Variants in AQP10 observed in about 807,000 individuals in gnomAD.
AQP10 encodes aquaporin 10, also known as aquaporin-10.
AQP10 carries 15 observed loss-of-function variants against 21.0 expected under a neutral mutation model. That is an observed-to-expected ratio of 0.71 (90% CI 0.48 to 1.10). The LOEUF is 1.10. Among genes scored for constraint, AQP10 ranks in the 50% least tolerant of loss-of-function variants. AQP10 has a pLI of 0.00. For synonymous variants in AQP10, 143 were observed against 155.7 expected, an observed-to-expected ratio of 0.92 and a Z score of 0.61; for missense variants, 268 against 379.5, an observed-to-expected ratio of 0.71 and a Z score of 2.44.
chr1:154,323,197 G>A lies in AQP10; in HGVS notation c.371-44G>A. On this transcript the variant is annotated intron_variant, in intron 3 of 5. Transcript: ENST00000324978. This position sits in a 1 kb window ranked among gnomAD's most constrained non-coding sequence, Gnocchi z 4.5. ...GGGGTGCCTCAGAATGGTTTTGGAT[G>A]AATGAGCAAAGAGGGAAATCCTGGG... The A allele has an allele frequency of 1.9e-6, 3 of 1,613,752 alleles. No homozygotes were observed. Among genetic ancestry groups the A allele is most frequent in the Non-Finnish European group, 2.5e-6 (3 of 1,179,674 alleles).
At chr1:154,324,228 G>C (rs566623705) in intron 5 of AQP10, 54 bp from the exon 6 acceptor site, 1 of 1,472,374 alleles carries the variant, frequency 6.8e-7, no homozygotes, top group Non-Finnish European at 9.0e-7. Flanking sequence ...TCCTTGGAGA[G>C]GGGAAGGCTA....
intron 2 of AQP10, among the ~76,000 whole-genome samples, chr1:154,322,370 G>C (rs1570835866): frequency 6.6e-6 from 1 of 151,944 alleles, no homozygotes; most frequent in East Asian, 1.9e-4. Flanking sequence ...GACCTCTCCT[G>C]TTTGTACCCC....
rs988007581 is a variant in AQP10, at chr1:154,321,849, C to T, written c.106-84C>T. 39 of 1,577,312 alleles carry T rather than the reference C, an allele frequency of 2.5e-5. No homozygotes were observed. The African/African-American group carries it at 5.3e-4, about 21-fold the overall frequency. The stretch of plus-strand genomic sequence containing the variant: ...CTTGTCTTCTGTGCTCATTCATCTC[C>T]TTGGCTGCTCCCCTGGCCTTCCCAA... On this transcript the variant is annotated intron_variant, in intron 1 of 5. Coordinates refer to ENST00000324978, the MANE Select transcript of AQP10 (RefSeq NM_080429.3).
Position 154,323,520 on chromosome 1 carries a change from T to C in AQP10, c.490-69T>C. Reference sequence around the variant, plus strand: ...CACAAAGCCAGATGACATGGAATATTTGGATGAGAGAGGGCAGATGGAGCA... The same window carrying C: ...CACAAAGCCAGATGACATGGAATATCTGGATGAGAGAGGGCAGATGGAGCA... On this transcript the variant is annotated intron_variant, in intron 4 of 5. Transcript: ENST00000324978. The surrounding 1 kb of genome is among the most constrained non-coding windows in gnomAD (Gnocchi z 4.5). 1.3e-6 allele frequency: 2 copies of C among 1,556,948 alleles called. No homozygotes were observed. Among genetic ancestry groups the C allele is most frequent in the African/African-American group, 2.7e-5 (2 of 73,726 alleles).
In AQP10 at chr1:154,325,105, A is replaced by C. The variant is rs1685736202; in HGVS notation, c.*625A>C. The C allele has an allele frequency of 6.6e-6, 1 of 151,404 alleles. No individual in the cohort carries two copies. Among genetic ancestry groups the C allele is most frequent in the Admixed American group, 6.6e-5 (1 of 15,212 alleles). The allele number at this position is 151,404 out of a possible 1,614,324, so 9.4% of individuals were successfully genotyped here. On this transcript the variant is annotated 3_prime_UTR_variant, in exon 6 of 6. Transcript: ENST00000324978. The stretch of plus-strand genomic sequence containing the variant: ...GTTCATTCAAGGAGAGTTGAGATAC[A>C]GTGAAATGAGCCAGGGCGAGGAGGG...
intron 2 of AQP10, among the ~76,000 whole-genome samples, chr1:154,322,721 A>T (rs1364507046): frequency 6.6e-6 from 1 of 152,002 alleles, no homozygotes; most frequent in Non-Finnish European, 1.5e-5. Flanking sequence ...CTGGTCTGGA[A>T]TTCCTGACCT....
chr1:154,323,809 G>A lies in AQP10; in HGVS notation c.707+3G>A. On this transcript the variant is annotated splice_donor_region_variant and intron_variant, in intron 5 of 5. Coordinates refer to ENST00000324978, the MANE Select transcript of AQP10 (RefSeq NM_080429.3). The surrounding 1 kb of genome is among the most constrained non-coding windows in gnomAD (Gnocchi z 4.5). ...GGCTGGGGTCCTGAAGTCTTCAGGTGGGAGACAGACTCTCCTGGTGCTGGC... is the reference window on the plus strand; with the variant it reads ...GGCTGGGGTCCTGAAGTCTTCAGGTAGGAGACAGACTCTCCTGGTGCTGGC... 6.2e-7 allele frequency: 1 copy of A among 1,613,756 alleles called. No individual in the cohort carries two copies.
chr1:154,323,826 G>A lies in AQP10; in HGVS notation c.707+20G>A. 1 of 1,612,000 alleles carries A rather than the reference G, an allele frequency of 6.2e-7. No homozygotes were observed. The highest frequency in any genetic ancestry group is 8.5e-7 in the Non-Finnish European group (1 of 1,179,078). ...CTTCAGGTGGGAGACAGACTCTCCT[G>A]GTGCTGGCCTCCACTCACCTTCCTC... is the stretch of plus-strand genomic sequence containing the variant. On this transcript the variant is annotated intron_variant, in intron 5 of 5. Transcript: ENST00000324978. This position sits in a 1 kb window ranked among gnomAD's most constrained non-coding sequence, Gnocchi z 4.5.
intron 2 of AQP10, 71 bp downstream of exon 2, chr1:154,322,130 G>A: frequency 6.3e-7 from 1 of 1,586,754 alleles, no homozygotes; most frequent in Non-Finnish European, 8.6e-7. Context: ...TGGTGATGGT[G>A]GAAACGCAAA....
chr1:154,324,074 A>T, intron 5 of AQP10: 1 of 1,287,654 alleles, frequency 7.8e-7, no homozygotes, highest in Non-Finnish European at 1.0e-6. Context: ...ATATATTCAG[A>T]TAATTCCCTA....
At position 154,323,947 on chromosome 1, in the gene AQP10, C is replaced by T. The variant is rs756729443; in HGVS notation, c.707+141C>T. On this transcript the variant is annotated intron_variant, in intron 5 of 5. Coordinates refer to ENST00000324978, the MANE Select transcript of AQP10 (RefSeq NM_080429.3). This position sits in a 1 kb window ranked among gnomAD's most constrained non-coding sequence, Gnocchi z 4.5. ...TGTTCTTTCTCCAAGTCATATTCTCCCCCTTTCTCCCTTGCTTCCCTCCCA... is the reference window on the plus strand; with the variant it reads ...TGTTCTTTCTCCAAGTCATATTCTCTCCCTTTCTCCCTTGCTTCCCTCCCA... 3 of 1,469,098 alleles carry T rather than the reference C, an allele frequency of 2.0e-6. No homozygotes were observed. The highest frequency in any genetic ancestry group is 2.5e-5 in the East Asian group (1 of 40,214). The allele number at this position is 1,469,098 out of a possible 1,614,324, so 91.0% of individuals were successfully genotyped here.
In AQP10 at chr1:154,323,711, C is replaced by A. The variant is rs1203631038; in HGVS notation, c.612C>A (p.Ser204=). Residue 204 remains serine, a synonymous_variant, in exon 5 of 6, where the codon TCC becomes TCA. Coordinates refer to ENST00000324978, the MANE Select transcript of AQP10 (RefSeq NM_080429.3). This position sits in a 1 kb window ranked among gnomAD's most constrained non-coding sequence, Gnocchi z 4.5. ...TGCTGATCCTGGCCCTCGGGTTATC[C>A]ATGGGTGCCAACTGCGGGATTCCAC... ...VGMLILALGL[S]MGANCGIPLN... 3 of 1,614,084 alleles carry A rather than the reference C, an allele frequency of 1.9e-6. No individual in the cohort carries two copies. The African/African-American group carries it at 4.0e-5, about 22-fold the overall frequency.
At position 154,323,600 on chromosome 1, in the gene AQP10, T is replaced by G. The variant is rs1194610; in HGVS notation, c.501T>G (p.Thr167=). 6.2e-7 allele frequency: 1 copy of G among 1,613,508 alleles called. No homozygotes were observed. Among genetic ancestry groups the G allele is most frequent in the Non-Finnish European group, 8.5e-7 (1 of 1,179,570 alleles). Reference sequence around the variant, plus strand: ...CTGTTGACTCCAAGGTTCTGGGCACTGGGATGCTGATTGTGGGGCTCTTGG... The same window carrying G: ...CTGTTGACTCCAAGGTTCTGGGCACGGGGATGCTGATTGTGGGGCTCTTGG... ...NNGFLDQVLG[T]GMLIVGLLAI... The change falls in exon 5 of 6, where the codon ACT becomes ACG. Residue 167 remains threonine, a synonymous_variant. Coordinates refer to ENST00000324978, the MANE Select transcript of AQP10 (RefSeq NM_080429.3). This position sits in a 1 kb window ranked among gnomAD's most constrained non-coding sequence, Gnocchi z 4.5.
rs1553294328 is a variant in AQP10, at chr1:154,322,490, T to TTCTTC, written c.232+432_232+433insCTTCT. The stretch of plus-strand genomic sequence containing the variant: ...ACTTTGGATTCACAGTGTCTTCTTC[T>TTCTTC]TTTTTTTTTTTTTTTTTCTTTTTTT... On this transcript the variant is annotated intron_variant, in intron 2 of 5. Transcript: ENST00000324978. Among the ~76,000 whole-genome samples, 8 of 33,346 alleles carry TTCTTC rather than the reference T, an allele frequency of 2.4e-4. No homozygotes were observed. In the South Asian group the frequency reaches 5.4e-3, roughly 23 times the overall value. 21.9% of individuals were successfully genotyped at this position (33,346 alleles called of 152,430 possible).
Position 154,321,227 on chromosome 1 carries a change from C to T in AQP10, c.72C>T (p.Cys24=), listed in dbSNP as rs146318444. 1.6e-4 allele frequency: 257 copies of T among 1,613,680 alleles called. No homozygotes were observed. Among genetic ancestry groups the T allele is most frequent in the Middle Eastern group, 6.6e-4 (4 of 6,062 alleles). Residue 24 remains cysteine (C), a synonymous_variant, in exon 1 of 6, where the codon TGC becomes TGT. Coordinates refer to ENST00000324978, the MANE Select transcript of AQP10 (RefSeq NM_080429.3). ...TACGCAGCCTCCTGGCCCGGCAGTG[C>T]CTGGCAGAGTTTCTGGGTGTGTTTG... ...LRIRSLLARQ[C]LAEFLGVFVL...
In AQP10 at chr1:154,321,278, G is replaced by A. The variant is rs199622638; in HGVS notation, c.105+18G>A. 1.0e-4 allele frequency: 165 copies of A among 1,601,052 alleles called. No homozygotes were observed. In the East Asian group the frequency reaches 2.7e-3, roughly 27 times the overall value. ...TACTCATGGTAGGTAGGATCACTGCGGGAAGGAAAGAAGGGGGTTGGGCAA... is the reference window on the plus strand; with the variant it reads ...TACTCATGGTAGGTAGGATCACTGCAGGAAGGAAAGAAGGGGGTTGGGCAA... On this transcript the variant is annotated intron_variant, in intron 1 of 5. Transcript: ENST00000324978.
In AQP10 at chr1:154,324,922, C is replaced by G. The variant is rs1025741219; in HGVS notation, c.*442C>G. ...CCTCGGCGCCTCCCACCTTCACCCT[C>G]TCGGGGATGCCTCCCCAAGAGGGTA... is the stretch of plus-strand genomic sequence containing the variant. On this transcript the variant is annotated 3_prime_UTR_variant, in exon 6 of 6. Coordinates refer to ENST00000324978, the MANE Select transcript of AQP10 (RefSeq NM_080429.3). The G allele has an allele frequency of 6.6e-6, 1 of 152,640 alleles. No homozygotes were observed. Among genetic ancestry groups the G allele is most frequent in the African/African-American group, 2.4e-5 (1 of 41,472 alleles). 9.5% of individuals were successfully genotyped at this position (152,640 alleles called of 1,614,324 possible). A position where few individuals can be genotyped will look rare whatever the true frequency, so the allele number is the denominator to read the frequency against.
chr1:154,323,178 C>T lies in AQP10; in HGVS notation c.370+59C>T. ...GAGCACCTGTGGGTGGGCAGGGGTG[C>T]CTCAGAATGGTTTTGGATGAATGAG... is the stretch of plus-strand genomic sequence containing the variant. On this transcript the variant is annotated intron_variant, in intron 3 of 5. Transcript: ENST00000324978. The surrounding 1 kb of genome is among the most constrained non-coding windows in gnomAD (Gnocchi z 4.5). 2 of 1,613,778 alleles carry T rather than the reference C, an allele frequency of 1.2e-6. No homozygotes were observed. The highest frequency in any genetic ancestry group is 1.7e-6 in the Non-Finnish European group (2 of 1,179,758).
rs148687821 is a variant in AQP10, at chr1:154,324,177, C to T, written c.708-105C>T. 1.5e-4 allele frequency: 188 copies of T among 1,224,492 alleles called. 1 individual carries two copies. The African/African-American group carries it at 2.5e-3, about 16-fold the overall frequency. The allele number at this position is 1,224,492 out of a possible 1,614,324, so 75.9% of individuals were successfully genotyped here. On this transcript the variant is annotated intron_variant, in intron 5 of 5. Transcript: ENST00000324978. ...AATCCTCTTCCTGGTGTCTACCACC[C>T]TGGGAACAACTTTAGGGCACTCTCT...
Sources: allele counts gnomAD v4.1 joint callset (sites outside exome capture counted in the v4.1 genomes callset), GRCh38; gene constraint gnomAD v4.1.1; non-coding constraint Gnocchi (gnomAD v3.1); transcripts MANE v1.5; gene names NCBI Gene and HGNC (gene_info 2026-07-23, HGNC 2026-07-21).